SLC37A1: variants seen among roughly 807,000 people sequenced by gnomAD.
The protein encoded by SLC37A1 is glucose-6-phosphate exchanger SLC37A1.
SLC37A1 carries 49 observed loss-of-function variants against 75.3 expected under a neutral mutation model. That is an observed-to-expected ratio of 0.65 (90% CI 0.52 to 0.83). The LOEUF (loss-of-function observed/expected upper bound fraction) is 0.83. Among genes scored for constraint, SLC37A1 ranks in the 40% least tolerant of loss-of-function variants. The pLI, the probability that SLC37A1 is intolerant of heterozygous loss-of-function variation, is 0.00. For missense variants in SLC37A1, 566 were observed against 695.0 expected (o/e 0.81, Z 2.09); for synonymous variants, 268 against 292.1 (o/e 0.92, Z 0.84).
chr21:42,569,884 C>T (rs1403980761), intron 17 of SLC37A1, among the ~76,000 whole-genome samples: 8 of 152,384 alleles, frequency 5.2e-5, no homozygotes, highest in African/African-American at 9.6e-5. Context: ...GGAGCCAGGC[C>T]GGACAGGCCC....
chr21:42,513,731 GGCCGGGGCCGGA>G (rs1231637266), upstream of SLC37A1, among the ~76,000 whole-genome samples: 1 of 148,128 alleles, frequency 6.8e-6, no homozygotes, highest in African/African-American at 2.4e-5. Context: ...GGCACGCCGG[GGCCGGGGCCGGA>G]GCCGGGGGTC....
At position 42,567,024 on chromosome 21, in the gene SLC37A1, A is replaced by C; in HGVS notation, c.1310A>C (p.Tyr437Ser). 1 of 1,609,242 alleles carries C rather than the reference A, an allele frequency of 6.2e-7. No individual in the cohort carries two copies. Among genetic ancestry groups the C allele is most frequent in the East Asian group, 2.2e-5 (1 of 44,880 alleles). ...AGCGGAGCCCTGGTCAGTGGGCCCT[A>C]CACACTCATCACCACCGCCGTCTCC... is the stretch of plus-strand genomic sequence containing the variant. ...LLSGALVSGP[Y>S]TLITTAVSAD... Residue 437 changes from tyrosine to serine, a missense_variant, in exon 16 of 20, where the codon TAC (tyrosine) becomes TCC (serine). By Grantham distance (144) the Tyr-to-Ser change is moderately radical. Coordinates refer to ENST00000352133, the MANE Select transcript of SLC37A1 (RefSeq NM_001320537.2).
chr21:42,540,242 G>T (rs913674519), intron 6 of SLC37A1, among the ~76,000 whole-genome samples: 3 of 152,246 alleles, frequency 2.0e-5, no homozygotes, highest in Admixed American at 6.5e-5. Flanking sequence ...ACAGTGAGGG[G>T]TTGGCATATG....
intron 2 of SLC37A1, among the ~76,000 whole-genome samples, chr21:42,524,708 C>G (rs1367588417): frequency 6.6e-6 from 1 of 152,238 alleles, no homozygotes; most frequent in African/African-American, 2.4e-5. Flanking sequence ...TCTCGAGTCC[C>G]AGGTTTCCCT....
chr21:42,549,325 G>A (rs1176546271), intron 9 of SLC37A1, among the ~76,000 whole-genome samples: 2 of 152,200 alleles, frequency 1.3e-5, no homozygotes, highest in Non-Finnish European at 1.5e-5. Flanking sequence ...GAATATGAGA[G>A]CTCATCTAGG....
rs1348815458 is a variant in SLC37A1, at chr21:42,559,071, A to G, written c.963A>G (p.Thr321=). ...GTGGCACGGCCGCCATCAGCTTCAC[A>G]GGGGCCTTGAAAATTCCAGTAAGTA... ...GGSGTAAISF[T]GALKIPGVIE... is the part of the protein sequence containing the mutation. The change falls in exon 11 of 20, where the codon ACA becomes ACG. Residue 321 remains threonine (T), a synonymous_variant. Coordinates refer to ENST00000352133, the MANE Select transcript of SLC37A1 (RefSeq NM_001320537.2). The G allele has an allele frequency of 1.5e-5, 24 of 1,611,454 alleles. No individual in the cohort carries two copies. Among genetic ancestry groups the G allele is most frequent in the Admixed American group, 3.4e-5 (2 of 59,462 alleles).
At chr21:42,564,830 C>A in intron 14 of SLC37A1, 37 bp downstream of exon 14, 1 of 1,577,876 alleles carries the variant, frequency 6.3e-7, no homozygotes, top group Non-Finnish European at 8.6e-7. Flanking sequence ...CCAAAGCCTG[C>A]AGACAGTCCC....
chr21:42,538,471 C>T (rs921765867), intron 5 of SLC37A1, among the ~76,000 whole-genome samples: 10 of 152,158 alleles, frequency 6.6e-5, no homozygotes, highest in African/African-American at 2.2e-4. Context: ...AGCTGACTCC[C>T]GGAGTGGGGT....
At chr21:42,526,411 C>T (rs926819077) in intron 3 of SLC37A1, among the ~76,000 whole-genome samples, 2 of 152,170 alleles carry the variant, frequency 1.3e-5, no homozygotes, top group Non-Finnish European at 2.9e-5. Flanking sequence ...TTACGTCACC[C>T]GGCCTGTAGA....
chr21:42,564,015 C>T, intron 13 of SLC37A1, 138 bp downstream of exon 13: 1 of 950,346 alleles, frequency 1.1e-6, no homozygotes, highest in African/African-American at 1.6e-5. Flanking sequence ...GAGGGTCAGG[C>T]CGTCACCTGG....
chr21:42,561,247 G>A (rs1273463574), intron 11 of SLC37A1, among the ~76,000 whole-genome samples: 1 of 152,182 alleles, frequency 6.6e-6, no homozygotes, highest in Non-Finnish European at 1.5e-5. Flanking sequence ...CAATGTTACT[G>A]GATTTCTCAC....
intron 18 of SLC37A1, 115 bp from the exon 19 acceptor site, chr21:42,579,621 G>A (rs1192204238): frequency 2.9e-6 from 2 of 689,376 alleles, no homozygotes; most frequent in East Asian, 3.3e-5. Context: ...GGAAGGTGCT[G>A]TGGGGAGAGA....
Position 42,547,013 on chromosome 21 carries a change from C to T in SLC37A1, c.731-90C>T. On this transcript the variant is annotated intron_variant, in intron 8 of 19. Transcript: ENST00000352133. This position sits in a 1 kb window ranked among gnomAD's most constrained non-coding sequence, Gnocchi z 6.1. ...ACAGTCCAGTTTCACACCCGGTGCT[C>T]CCGTGTTGCCCTGTCCTCGGGTTAC... 8 of 1,479,692 alleles carry T rather than the reference C, an allele frequency of 5.4e-6. No homozygotes were observed. Among genetic ancestry groups the T allele is most frequent in the South Asian group, 1.1e-5 (1 of 87,790 alleles). 91.7% of individuals were successfully genotyped at this position (1,479,692 alleles called of 1,614,324 possible).
At chr21:42,522,817 C>T (rs1170398030) in intron 2 of SLC37A1, among the ~76,000 whole-genome samples, 2 of 152,262 alleles carry the variant, frequency 1.3e-5, no homozygotes, top group Non-Finnish European at 2.9e-5. Flanking sequence ...TCTCCCTCCA[C>T]ACAAGGCTGA....
intron 16 of SLC37A1, 117 bp from the exon 17 acceptor site, chr21:42,568,242 GA>G: frequency 1.3e-6 from 1 of 792,416 alleles, no homozygotes; most frequent in South Asian, 1.5e-5. Context: ...TAAATAATGG[GA>G]AACACCCTCA....
Position 42,518,362 on chromosome 21 carries a change from G to A in SLC37A1, c.-93G>A. 1.3e-6 allele frequency: 2 copies of A among 1,526,644 alleles called. No individual in the cohort carries two copies. Among genetic ancestry groups the A allele is most frequent in the Non-Finnish European group, 1.8e-6 (2 of 1,102,464 alleles). The allele number at this position is 1,526,644 out of a possible 1,614,324, so 94.6% of individuals were successfully genotyped here. ...CTTTCCAGCCTGTGGGAGCGGCAGG[G>A]GCAACAGAGAGAGGATCTGGAGCCA... is the stretch of plus-strand genomic sequence containing the variant. On this transcript the variant is annotated 5_prime_UTR_variant, in exon 2 of 20. Coordinates refer to ENST00000352133, the MANE Select transcript of SLC37A1 (RefSeq NM_001320537.2).
chr21:42,578,879 T>C (rs2056360565), intron 18 of SLC37A1, among the ~76,000 whole-genome samples: 2 of 152,146 alleles, frequency 1.3e-5, no homozygotes, highest in Admixed American at 1.3e-4. Context: ...GTTTGGTTTT[T>C]AAGTAGCCCC....
At chr21:42,512,484 C>A (rs537608558), upstream of SLC37A1, among the ~76,000 whole-genome samples, 134 of 152,226 alleles carry the variant, frequency 8.8e-4, no homozygotes, top group Non-Finnish European at 1.7e-3. Flanking sequence ...AGCCTCGAGC[C>A]GAACCAATGG....
In SLC37A1 at chr21:42,513,974, C is replaced by CCGCCCCA. The variant is rs1568979395; in HGVS notation, c.-921_-920insGCCCCAC. On this transcript the variant is annotated 5_prime_UTR_variant, in exon 1 of 20. Coordinates refer to ENST00000352133, the MANE Select transcript of SLC37A1 (RefSeq NM_001320537.2). ...CCGGGAGGCGGGGACCCCCCGCCCC[C>CCGCCCCA]CCGCCCGCACCTGCGGGGCAGCCGG... 49 of 145,874 alleles carry CCGCCCCA rather than the reference C, an allele frequency of 3.4e-4. No individual in the cohort carries two copies. Among genetic ancestry groups the CCGCCCCA allele is most frequent in the African/African-American group, 6.9e-4 (28 of 40,660 alleles). 9.0% of individuals were successfully genotyped at this position (145,874 alleles called of 1,614,324 possible). A position where few individuals can be genotyped will look rare whatever the true frequency, so the allele number is the denominator to read the frequency against.
Sources: allele counts gnomAD v4.1 joint callset (sites outside exome capture counted in the v4.1 genomes callset), GRCh38; gene constraint gnomAD v4.1.1; non-coding constraint Gnocchi (gnomAD v3.1); transcripts MANE v1.5; gene names NCBI Gene and HGNC (gene_info 2026-07-23, HGNC 2026-07-21).